EFR3A: variants seen among roughly 807,000 people sequenced by gnomAD.
EFR3A encodes the protein protein EFR3 homolog A.
In EFR3A, 76 loss-of-function variants were observed where a neutral mutation model predicts 104.4. That is an observed-to-expected ratio of 0.73 (90% CI 0.60 to 0.88). The LOEUF is 0.88. EFR3A is among the 40% of genes least tolerant of loss of function. The pLI is 0.00. For missense variants in EFR3A, 985 were observed against 1,012.5 expected (o/e 0.97, Z 0.37); for synonymous variants, 330 against 330.0 (o/e 1.00, Z 0.00).
At chr8:132,003,160 C>T (rs762916229) in intron 21 of EFR3A, 76 bp from the exon 22 acceptor site, 17 of 1,170,394 alleles carry the variant, frequency 1.5e-5, no homozygotes, top group East Asian at 2.5e-5. Flanking sequence ...TACTTTGTCT[C>T]TTAAGTTACA....
At chr8:131,957,045 A>T (rs1819035787) in intron 7 of EFR3A, among the ~76,000 whole-genome samples, 1 of 152,168 alleles carries the variant, frequency 6.6e-6, no homozygotes, top group African/African-American at 2.4e-5. Flanking sequence ...GAATAACTTG[A>T]ACTCAGTTAT....
Position 131,985,159 on chromosome 8 carries a change from A to G in EFR3A, c.1869+99A>G, listed in dbSNP as rs1820813001. ...TTTAACTTTGGTGATTACGTATCAA[A>G]TTAAGGTAATTCTATAAAAATCTAC... On this transcript the variant is annotated intron_variant, in intron 16 of 22. Coordinates refer to ENST00000254624, the MANE Select transcript of EFR3A (RefSeq NM_015137.6). 2.5e-6 allele frequency: 3 copies of G among 1,195,214 alleles called. No individual in the cohort carries two copies. The East Asian group carries it at 7.1e-5, about 28-fold the overall frequency. 74.0% of individuals were successfully genotyped at this position (1,195,214 alleles called of 1,614,324 possible).
chr8:131,968,134 CTTTA>C (rs1819856827), intron 8 of EFR3A, among the ~76,000 whole-genome samples, 157 bp from the exon 9 acceptor site: 1 of 151,970 alleles, frequency 6.6e-6, no homozygotes, highest in African/African-American at 2.4e-5. Context: ...TCTGTTTATT[CTTTA>C]AAAGAATGGC....
intron 19 of EFR3A, among the ~76,000 whole-genome samples, chr8:131,997,848 T>C (rs771692524): frequency 1.3e-5 from 2 of 152,028 alleles, no homozygotes; most frequent in Non-Finnish European, 2.9e-5. Context: ...TTCAAAAATA[T>C]ATAGAGAACA....
At chr8:131,940,632 T>C (rs1283556809) in intron 2 of EFR3A, 57 bp downstream of exon 2, 3 of 1,560,176 alleles carry the variant, frequency 1.9e-6, no homozygotes, top group Non-Finnish European at 2.6e-6. Flanking sequence ...TGCCCCCCGC[T>C]GACCTCCTTA....
intron 18 of EFR3A, among the ~76,000 whole-genome samples, chr8:131,991,072 C>A (rs1292601926): frequency 6.6e-6 from 1 of 152,148 alleles, no homozygotes; most frequent in East Asian, 1.9e-4. Context: ...ATTAGACTTA[C>A]AGTTCCACGT....
At chr8:131,932,823 T>C (rs951222543) in intron 1 of EFR3A, among the ~76,000 whole-genome samples, 18 of 152,274 alleles carry the variant, frequency 1.2e-4, no homozygotes, top group African/African-American at 3.6e-4. Context: ...TCTTAGAACA[T>C]GTTAGTGCTT....
rs193212303 is a variant in EFR3A at position 131,923,443 on chromosome 8, C to A, written c.11-17056C>A. ...TTGTACTCATTCTTTCTAATGTGTTCATTTTGCTCTGTATAAACTTCACGG... is the reference window on the plus strand; with the variant it reads ...TTGTACTCATTCTTTCTAATGTGTTAATTTTGCTCTGTATAAACTTCACGG... On this transcript the variant is annotated intron_variant, in intron 1 of 22. Coordinates refer to ENST00000254624, the MANE Select transcript of EFR3A (RefSeq NM_015137.6). 3.6e-4 allele frequency among the ~76,000 whole-genome samples: 54 copies of A among 148,560 alleles called. No homozygotes were observed. In the East Asian group the frequency reaches 8.3e-3, roughly 23 times the overall value.
intron 7 of EFR3A, among the ~76,000 whole-genome samples, chr8:131,958,706 T>C (rs1246721892): frequency 6.6e-6 from 1 of 152,174 alleles, no homozygotes; most frequent in Non-Finnish European, 1.5e-5. Flanking sequence ...CAGGATGTGC[T>C]GTTTATTAGT....
At chr8:131,979,080 TTTA>T in intron 13 of EFR3A, 61 bp downstream of exon 13, 1 of 1,456,154 alleles carries the variant, frequency 6.9e-7, no homozygotes, top group Non-Finnish European at 9.3e-7. Context: ...AATTAGTGTA[TTTA>T]AGTATTGTGA....
At chr8:131,958,650 A>G (rs1242672845) in intron 7 of EFR3A, among the ~76,000 whole-genome samples, 1 of 152,004 alleles carries the variant, frequency 6.6e-6, no homozygotes, top group Non-Finnish European at 1.5e-5. Context: ...ACTTTCAAGG[A>G]AATGAAAGTT....
At chr8:131,975,377 A>T (rs1038627260) in intron 10 of EFR3A, among the ~76,000 whole-genome samples, 1 of 151,282 alleles carries the variant, frequency 6.6e-6, no homozygotes, top group Non-Finnish European at 1.5e-5. Context: ...CATCAGAAAT[A>T]CTACCAAAAT....
chr8:131,913,638 C>T (rs1816624606), intron 1 of EFR3A, among the ~76,000 whole-genome samples: 1 of 152,132 alleles, frequency 6.6e-6, no homozygotes, highest in African/African-American at 2.4e-5. Flanking sequence ...ATTACCTGAA[C>T]TCCAGGGTAT....
rs192605711 is a variant in EFR3A, at chr8:131,982,937, T to C, written c.1576-1202T>C. 3.4e-3 allele frequency among the ~76,000 whole-genome samples: 516 copies of C among 152,250 alleles called. 2 individuals are homozygous for C. The highest frequency in any genetic ancestry group is 0.012 in the African/African-American group (501 of 41,566). ...AATCTGGTGGGTAGCTTTATGTCTGTAGCCAAAAAAGGCTTACTAACACTG... is the reference window on the plus strand; with the variant it reads ...AATCTGGTGGGTAGCTTTATGTCTGCAGCCAAAAAAGGCTTACTAACACTG... On this transcript the variant is annotated intron_variant, in intron 14 of 22. Coordinates refer to ENST00000254624, the MANE Select transcript of EFR3A (RefSeq NM_015137.6).
Position 131,926,106 on chromosome 8 carries a change from T to TA in EFR3A, c.11-14385dup, listed in dbSNP as rs576413464. On this transcript the variant is annotated intron_variant, in intron 1 of 22. Coordinates refer to ENST00000254624, the MANE Select transcript of EFR3A (RefSeq NM_015137.6). ...AGCTTTATTGTGTTGTAAGACTAGA[T>TA]AAAAAAAAGACTAGAAGACTAGCTT... Among the ~76,000 whole-genome samples the TA allele has an allele frequency of 8.6e-5, 13 of 151,732 alleles. No individual in the cohort carries two copies. In the East Asian group the frequency reaches 9.7e-4, roughly 11 times the overall value.
At chr8:131,906,264 C>T (rs978856422) in intron 1 of EFR3A, among the ~76,000 whole-genome samples, 1 of 152,120 alleles carries the variant, frequency 6.6e-6, no homozygotes, top group South Asian at 2.1e-4. Flanking sequence ...ACAGAGATGG[C>T]AAAATTGTTA....
Position 131,904,160 on chromosome 8 carries a change from G to T in EFR3A, c.-153G>T, listed in dbSNP as rs1209190013. The T allele has an allele frequency of 1.1e-6, 1 of 907,910 alleles. No individual in the cohort carries two copies. Among genetic ancestry groups the T allele is most frequent in the Non-Finnish European group, 1.4e-6 (1 of 694,588 alleles). 56.2% of individuals were successfully genotyped at this position (907,910 alleles called of 1,614,324 possible). On this transcript the variant is annotated 5_prime_UTR_variant, in exon 1 of 23. Coordinates refer to ENST00000254624, the MANE Select transcript of EFR3A (RefSeq NM_015137.6). ...CTGTCGCCCGCTTGGTTGCGTGACCGCGGGGTCCGCGTCCGCTCCCTCCAC... is the reference window on the plus strand; with the variant it reads ...CTGTCGCCCGCTTGGTTGCGTGACCTCGGGGTCCGCGTCCGCTCCCTCCAC...
chr8:131,979,307 T>C (rs1182850867), intron 13 of EFR3A, 39 bp from the exon 14 acceptor site: 4 of 1,360,516 alleles, frequency 2.9e-6, no homozygotes, highest in Non-Finnish European at 4.1e-6. Context: ...TGTAAATAAG[T>C]GTGCTATTCA....
chr8:131,977,869 A>G (rs1318436428), intron 12 of EFR3A, among the ~76,000 whole-genome samples: 1 of 152,062 alleles, frequency 6.6e-6, no homozygotes, highest in Non-Finnish European at 1.5e-5. Context: ...TTTCATTTGT[A>G]TCTTATATAA....
Sources: allele counts gnomAD v4.1 joint callset (sites outside exome capture counted in the v4.1 genomes callset), GRCh38; gene constraint gnomAD v4.1.1; transcripts MANE v1.5; gene names NCBI Gene and HGNC (gene_info 2026-07-23, HGNC 2026-07-21).